The following NFATC3 variants were observed in gnomAD, a reference collection of about 807,000 sequenced individuals.
NFATC3 encodes nuclear factor of activated T cells 3.
Under a neutral mutation model 98.6 loss-of-function variants are expected in NFATC3, and 46 were observed. The ratio of observed to expected loss-of-function variants is 0.47; its 90% CI spans 0.37 to 0.60. NFATC3 has a LOEUF of 0.60. Among genes scored for constraint, NFATC3 ranks in the 20% least tolerant of loss-of-function variants. NFATC3 has a pLI of 0.00. For synonymous variants in NFATC3, 512 were observed against 472.2 expected, an observed-to-expected ratio of 1.08 and a Z score of -1.09; for missense variants, 1,256 against 1,295.5, an observed-to-expected ratio of 0.97 and a Z score of 0.47.
chr16:68,183,302 G>A lies in NFATC3; in HGVS notation c.2034G>A (p.Val678=). ...CAGCAGTTACAGCTGCAGTGCAGGT[G>A]CACTTTTATCTTTGCAATGGCAAGA... The part of the protein sequence containing the change: ...HNPAVTAAVQ[V]HFYLCNGKRK... The change falls in exon 8 of 10, where the codon GTG becomes GTA. Residue 678 remains valine, a synonymous_variant. Coordinates refer to ENST00000346183, the MANE Select transcript of NFATC3 (RefSeq NM_173165.3). The A allele has an allele frequency of 6.2e-7, 1 of 1,612,866 alleles. No homozygotes were observed. Among genetic ancestry groups the A allele is most frequent in the South Asian group, 1.1e-5 (1 of 90,828 alleles).
At chr16:68,213,410 G>C (rs1289717425) in intron 9 of NFATC3, among the ~76,000 whole-genome samples, 1 of 143,268 alleles carries the variant, frequency 7.0e-6, no homozygotes, top group African/African-American at 2.6e-5. Context: ...GCAAGACTCT[G>C]TCTCAAAAAA....
Position 68,122,897 on chromosome 16 carries a change from C to G in NFATC3, c.1014C>G (p.Leu338=). Residue 338 remains leucine (L), a synonymous_variant, in exon 2 of 10, where the codon CTC becomes CTG. Transcript: ENST00000346183. ...FQYCVETDIP[L]KTRKTSEDQA... Reference sequence around the variant, plus strand: ...ACTGTGTAGAGACTGACATCCCTCTCAAAACAAGGAAAACTTCTGAAGATC... The same window carrying G: ...ACTGTGTAGAGACTGACATCCCTCTGAAAACAAGGAAAACTTCTGAAGATC... The G allele has an allele frequency of 6.2e-7, 1 of 1,614,146 alleles. No homozygotes were observed. Among genetic ancestry groups the G allele is most frequent in the Non-Finnish European group, 8.5e-7 (1 of 1,180,028 alleles).
chr16:68,163,722 C>T (rs1425586910), intron 4 of NFATC3, among the ~76,000 whole-genome samples: 346 of 148,758 alleles, frequency 2.3e-3, no homozygotes, highest in Non-Finnish European at 3.8e-3. Context: ...ACCTCCCAGA[C>T]GGGGTCGCGG....
At chr16:68,189,849 A>G (rs1462464978) in intron 8 of NFATC3, among the ~76,000 whole-genome samples, 2 of 152,072 alleles carry the variant, frequency 1.3e-5, no homozygotes, top group Non-Finnish European at 2.9e-5. Flanking sequence ...GGATTGCTTG[A>G]GTGTGGAAGT....
intron 2 of NFATC3, among the ~76,000 whole-genome samples, chr16:68,125,727 T>A (rs1357969097): frequency 6.6e-6 from 1 of 152,174 alleles, no homozygotes; most frequent in Non-Finnish European, 1.5e-5. Context: ...TGTGCCTCTT[T>A]GTTTTAAAAA....
Position 68,100,674 on chromosome 16 carries a change from C to A in NFATC3, c.103+14890C>A, listed in dbSNP as rs931891206. The stretch of plus-strand genomic sequence containing the variant: ...TTACTCAGTTTCTCTGCATCTTGGG[C>A]AGCATTTGGTATTAACACCTTTTTT... On this transcript the variant is annotated intron_variant, in intron 1 of 9. Transcript: ENST00000346183. Among the ~76,000 whole-genome samples, 4 of 151,264 alleles carry A rather than the reference C, an allele frequency of 2.6e-5. No homozygotes were observed. In the South Asian group the frequency reaches 6.2e-4, roughly 24 times the overall value.
At chr16:68,209,541 C>T (rs2041287900) in intron 9 of NFATC3, 1 of 302,736 alleles carries the variant, frequency 3.3e-6, no homozygotes, top group Non-Finnish European at 6.6e-6. Context: ...ACTGTCCTCA[C>T]CCATGATGGC....
intron 6 of NFATC3, among the ~76,000 whole-genome samples, chr16:68,180,976 T>G (rs1467574213): frequency 1.3e-5 from 2 of 152,232 alleles, no homozygotes; most frequent in Non-Finnish European, 2.9e-5. Flanking sequence ...TGTGTGCATG[T>G]GTCTTTATAG....
chr16:68,131,538 A>G (rs1184674745), intron 3 of NFATC3, among the ~76,000 whole-genome samples: 1 of 152,202 alleles, frequency 6.6e-6, no homozygotes, highest in Non-Finnish European at 1.5e-5. Context: ...TCGGCCTCCC[A>G]GAGTGCTGGG....
intron 3 of NFATC3, among the ~76,000 whole-genome samples, chr16:68,155,167 C>T (rs2038540306): frequency 6.6e-6 from 1 of 152,146 alleles, no homozygotes; most frequent in South Asian, 2.1e-4. Flanking sequence ...TTACAAGTTC[C>T]ACTGTAAAGC....
chr16:68,202,382 A>G (rs1003303887), intron 9 of NFATC3, among the ~76,000 whole-genome samples: 1 of 152,178 alleles, frequency 6.6e-6, no homozygotes, highest in African/African-American at 2.4e-5. Flanking sequence ...AATCAAGGGA[A>G]TGATAAACAC....
intron 9 of NFATC3, among the ~76,000 whole-genome samples, chr16:68,217,362 G>A (rs1407497490): frequency 2.7e-5 from 4 of 150,750 alleles, no homozygotes; most frequent in Non-Finnish European, 4.4e-5. Context: ...AGCATGGGAG[G>A]TGAGGTTGCA....
At chr16:68,119,635 C>A (rs1212659293) in intron 1 of NFATC3, among the ~76,000 whole-genome samples, 7 of 152,190 alleles carry the variant, frequency 4.6e-5, no homozygotes, top group African/African-American at 1.7e-4. Flanking sequence ...AGCTCAGTTA[C>A]ATTAATATTC....
chr16:68,211,417 A>C (rs955804491), intron 9 of NFATC3, among the ~76,000 whole-genome samples: 5 of 151,602 alleles, frequency 3.3e-5, no homozygotes, highest in Non-Finnish European at 7.4e-5. Flanking sequence ...CTATCTCCTG[A>C]CCTTGTGATC....
chr16:68,189,364 T>A, intron 8 of NFATC3: 1 of 213,968 alleles, frequency 4.7e-6, no homozygotes, highest in Non-Finnish European at 9.9e-6. Flanking sequence ...AATGCCTTAT[T>A]TATTCCAGCT....
intron 9 of NFATC3, among the ~76,000 whole-genome samples, chr16:68,195,720 A>G (rs1387043271): frequency 6.6e-6 from 1 of 152,106 alleles, no homozygotes; most frequent in Non-Finnish European, 1.5e-5. Flanking sequence ...AGGCAGGAGA[A>G]TGGCGTGAAC....
intron 1 of NFATC3, 61 bp from the exon 2 acceptor site, chr16:68,121,926 A>C (rs774406688): frequency 4.4e-5 from 66 of 1,503,912 alleles, no homozygotes; most frequent in Non-Finnish European, 5.5e-5. Context: ...TAATTTATAC[A>C]TCTGAGTTTT....
intron 9 of NFATC3, chr16:68,214,501 T>A (rs1181100352): frequency 7.5e-7 from 1 of 1,338,814 alleles, no homozygotes; most frequent in Admixed American, 1.8e-5. Flanking sequence ...GTGGCTGGAT[T>A]TGCATGTGCT....
chr16:68,157,338 T>G (rs1248756732), intron 3 of NFATC3, among the ~76,000 whole-genome samples: 1 of 152,174 alleles, frequency 6.6e-6, no homozygotes, highest in Non-Finnish European at 1.5e-5. Flanking sequence ...CTGTGGTTGG[T>G]GGCAGCTCAA....
Sources: allele counts gnomAD v4.1 joint callset (sites outside exome capture counted in the v4.1 genomes callset), GRCh38; gene constraint gnomAD v4.1.1; transcripts MANE v1.5; gene names NCBI Gene and HGNC (gene_info 2026-07-23, HGNC 2026-07-21).